Variants in ST8SIA5 observed in about 807,000 individuals in gnomAD.
ST8SIA5 encodes ST8 alpha-N-acetyl-neuraminide alpha-2,8-sialyltransferase 5, also known as alpha-2,8-sialyltransferase 8E.
In ST8SIA5, 24 loss-of-function variants were observed where a neutral mutation model predicts 40.2. That is an observed-to-expected ratio of 0.60 (90% confidence interval 0.43 to 0.84). The LOEUF is 0.84. Among genes scored for constraint, ST8SIA5 ranks in the 40% least tolerant of loss-of-function variants. The pLI, the probability that ST8SIA5 is intolerant of heterozygous loss-of-function variation, is 0.00. For missense variants in ST8SIA5, 465 were observed against 498.5 expected, an observed-to-expected ratio of 0.93 and a Z score of 0.64; for synonymous variants, 198 against 201.8, an observed-to-expected ratio of 0.98 and a Z score of 0.16.
chr18:46,750,426 C>T (rs775383746), intron 1 of ST8SIA5, among the ~76,000 whole-genome samples: 1 of 152,158 alleles, frequency 6.6e-6, no homozygotes, highest in South Asian at 2.1e-4. Flanking sequence ...TTTCCATGCC[C>T]CTCATTGTGG....
intron 1 of ST8SIA5, among the ~76,000 whole-genome samples, chr18:46,733,985 G>T (rs368421530): frequency 6.6e-6 from 1 of 152,048 alleles, no homozygotes; most frequent in Admixed American, 6.5e-5. Context: ...GCTTCTCCCC[G>T]TCCCTAGGGG....
intron 4 of ST8SIA5, among the ~76,000 whole-genome samples, chr18:46,687,632 G>A (rs900614058): frequency 2.6e-5 from 4 of 152,058 alleles, no homozygotes; most frequent in African/African-American, 4.8e-5. Context: ...CACATTTGAC[G>A]CCGCTCACCT....
At chr18:46,754,149 T>G (rs1410906730) in intron 1 of ST8SIA5, among the ~76,000 whole-genome samples, 1 of 152,136 alleles carries the variant, frequency 6.6e-6, no homozygotes. Flanking sequence ...GACAGCCACA[T>G]CCAGTTCAAG....
rs1009472759 is a variant in ST8SIA5 at position 46,671,135 on chromosome 18, C to T, written c.*8907G>A. 6.6e-6 allele frequency: 1 copy of T among 152,148 alleles called. No homozygotes were observed. Among genetic ancestry groups the T allele is most frequent in the Non-Finnish European group, 1.5e-5 (1 of 68,022 alleles). 9.4% of individuals were successfully genotyped at this position (152,148 alleles called of 1,614,324 possible). ...CACCCTGCCTCAGTAAAACAGTAGC[C>T]ATTTCCACTTTTAATAAGTCTTTGA... On this transcript the variant is annotated 3_prime_UTR_variant, in exon 7 of 7. Transcript: ENST00000315087.
In ST8SIA5 at chr18:46,679,972, G is replaced by C; in HGVS notation, c.*70C>G. 1.4e-6 allele frequency: 2 copies of C among 1,466,044 alleles called. No homozygotes were observed. Among genetic ancestry groups the C allele is most frequent in the Non-Finnish European group, 9.2e-7 (1 of 1,086,222 alleles). 90.8% of individuals were successfully genotyped at this position (1,466,044 alleles called of 1,614,324 possible). On this transcript the variant is annotated 3_prime_UTR_variant, in exon 7 of 7. Coordinates refer to ENST00000315087, the MANE Select transcript of ST8SIA5 (RefSeq NM_013305.6). ...AGGACCCCACGCTGCCCGGTTCGGG[G>C]CTCCCAGTTCCACCAGGAGGGACAG... is the stretch of plus-strand genomic sequence containing the variant.
chr18:46,704,733 G>T, intron 1 of ST8SIA5, 69 bp from the exon 2 acceptor site: 1 of 1,277,074 alleles, frequency 7.8e-7, no homozygotes, highest in South Asian at 1.2e-5. Flanking sequence ...AGGGGCTCTT[G>T]TTGCAGGGTG....
chr18:46,745,243 C>T (rs1364178131), intron 1 of ST8SIA5, among the ~76,000 whole-genome samples: 4 of 151,872 alleles, frequency 2.6e-5, no homozygotes, highest in African/African-American at 4.8e-5. Context: ...GATAGAGACA[C>T]AAAAAACCCT....
intron 1 of ST8SIA5, among the ~76,000 whole-genome samples, chr18:46,730,022 G>T (rs1324427090): frequency 6.6e-6 from 1 of 152,194 alleles, no homozygotes; most frequent in African/African-American, 2.4e-5. Context: ...AACAGCCTTT[G>T]GCAGGATTTC....
At chr18:46,728,527 G>A (rs1006434241) in intron 1 of ST8SIA5, among the ~76,000 whole-genome samples, 4 of 152,242 alleles carry the variant, frequency 2.6e-5, no homozygotes, top group African/African-American at 4.8e-5. Context: ...ATTTGGCACT[G>A]TGGACTTAGG....
chr18:46,755,424 T>C (rs139673026), intron 1 of ST8SIA5, among the ~76,000 whole-genome samples: 1 of 152,042 alleles, frequency 6.6e-6, no homozygotes, highest in African/African-American at 2.4e-5. Flanking sequence ...AGCAGCAAAC[T>C]AAAAAACAGC....
At chr18:46,690,958 C>A (rs1181783253) in intron 3 of ST8SIA5, among the ~76,000 whole-genome samples, 1 of 152,210 alleles carries the variant, frequency 6.6e-6, no homozygotes, top group Admixed American at 6.5e-5. Context: ...GGACAACAGG[C>A]TTTTGCCTCT....
chr18:46,751,944 C>T (rs1033327515), intron 1 of ST8SIA5, among the ~76,000 whole-genome samples: 1 of 152,148 alleles, frequency 6.6e-6, no homozygotes, highest in East Asian at 1.9e-4. Flanking sequence ...TAGCTCCACG[C>T]ACGAGGATCC....
At chr18:46,698,506 C>T (rs1055053294) in intron 2 of ST8SIA5, among the ~76,000 whole-genome samples, 5 of 152,150 alleles carry the variant, frequency 3.3e-5, no homozygotes. Flanking sequence ...CAACCCAACA[C>T]ACCAACAATC....
chr18:46,734,531 A>G (rs1345792135), intron 1 of ST8SIA5, among the ~76,000 whole-genome samples: 2 of 152,000 alleles, frequency 1.3e-5, no homozygotes, highest in Non-Finnish European at 2.9e-5. Flanking sequence ...TCCCAAATTG[A>G]CTCCGTGGAA....
At chr18:46,732,565 A>T (rs1028842269) in intron 1 of ST8SIA5, among the ~76,000 whole-genome samples, 2 of 152,108 alleles carry the variant, frequency 1.3e-5, no homozygotes, top group African/African-American at 4.8e-5. Flanking sequence ...CTCCCTCTTG[A>T]CAGGCATACA....
At chr18:46,745,462 C>A (rs1327585958) in intron 1 of ST8SIA5, among the ~76,000 whole-genome samples, 1 of 152,192 alleles carries the variant, frequency 6.6e-6, no homozygotes, top group Admixed American at 6.5e-5. Flanking sequence ...AACTAGAAAA[C>A]CTAGTAGAAA....
In ST8SIA5 at chr18:46,748,034, A is replaced by T. The variant is rs143297989; in HGVS notation, c.131+8344T>A. On this transcript the variant is annotated intron_variant, in intron 1 of 6. Coordinates refer to ENST00000315087, the MANE Select transcript of ST8SIA5 (RefSeq NM_013305.6). ...GGAACTGAACAATGAGAACACTTGG[A>T]CACAGGGTGGGGAACATCACACACC... is the stretch of plus-strand genomic sequence containing the variant. Among the ~76,000 whole-genome samples, 560 of 151,972 alleles carry T rather than the reference A, an allele frequency of 3.7e-3. 6 individuals are homozygous for T. The highest frequency in any genetic ancestry group is 0.013 in the African/African-American group (532 of 41,406).
chr18:46,716,091 GATAGATA>G, intron 1 of ST8SIA5, among the ~76,000 whole-genome samples: 1 of 112,734 alleles, frequency 8.9e-6, no homozygotes, highest in South Asian at 2.8e-4. Context: ...ACACAGGATA[GATAGATA>G]GATAGATAGA....
rs987285606 is a variant in ST8SIA5 at position 46,757,001 on chromosome 18, A to G, written c.-493T>C. On this transcript the variant is annotated 5_prime_UTR_variant, in exon 1 of 7. Transcript: ENST00000315087. ...CCCTGCCGGGGGCGGGCCACGTTTGATCTCCGGGCCCGCAGCAAGGGATCG... is the reference window on the plus strand; with the variant it reads ...CCCTGCCGGGGGCGGGCCACGTTTGGTCTCCGGGCCCGCAGCAAGGGATCG... 6.5e-6 allele frequency: 1 copy of G among 153,888 alleles called. No homozygotes were observed. Among genetic ancestry groups the G allele is most frequent in the Non-Finnish European group, 1.4e-5 (1 of 69,932 alleles). The allele number at this position is 153,888 out of a possible 1,614,324, so 9.5% of individuals were successfully genotyped here.
Sources: gnomAD v4.1 joint callset for allele counts (sites outside exome capture counted in the v4.1 genomes callset) on GRCh38, gnomAD v4.1.1 for gene constraint, MANE v1.5 for transcripts, NCBI Gene and HGNC (gene_info 2026-07-23, HGNC 2026-07-21) for gene names.